ECHDC1: variants seen among roughly 807,000 people sequenced by gnomAD.
The protein encoded by ECHDC1 is ethylmalonyl-CoA decarboxylase.
ECHDC1 carries 29 observed loss-of-function variants against 29.7 expected under a neutral mutation model. The ratio of observed to expected loss-of-function variants is 0.98; its 90% CI spans 0.73 to 1.33. ECHDC1 has a LOEUF of 1.33. Ranked by LOEUF, ECHDC1 falls within the 40% of genes most tolerant of loss-of-function variation. The pLI is 0.00. For synonymous variants in ECHDC1, 126 were observed against 123.1 expected (o/e 1.02, Z -0.15); for missense variants, 328 against 350.0 (o/e 0.94, Z 0.50).
intron 3 of ECHDC1, among the ~76,000 whole-genome samples, chr6:127,326,023 C>T (rs1224267775): frequency 1.3e-5 from 2 of 151,980 alleles, no homozygotes; most frequent in Non-Finnish European, 2.9e-5. Context: ...ATTTTAGATT[C>T]CATATATAAA....
rs1783404971 is a variant in ECHDC1 at position 127,326,992 on chromosome 6, T to G, written c.363+10A>C. 2 of 1,611,246 alleles carry G rather than the reference T, an allele frequency of 1.2e-6. No homozygotes were observed. The highest frequency in any genetic ancestry group is 2.7e-5 in the African/African-American group (2 of 74,944). ...TGTAGAATCAAATGCATAATTCATA[T>G]AACACTTGCCTCTGGAGTTCCTAGT... On this transcript the variant is annotated intron_variant, in intron 3 of 5. Coordinates refer to ENST00000454859, the MANE Select transcript of ECHDC1 (RefSeq NM_001002030.2).
intron 5 of ECHDC1, among the ~76,000 whole-genome samples, chr6:127,291,356 G>GT (rs1242055803): frequency 6.8e-6 from 1 of 146,928 alleles, no homozygotes; most frequent in Non-Finnish European, 1.5e-5. Context: ...GTTGGCTTCA[G>GT]TTATCTTCAT....
chr6:127,329,023 T>A (rs1367426334), intron 2 of ECHDC1, among the ~76,000 whole-genome samples: 1 of 151,546 alleles, frequency 6.6e-6, no homozygotes, highest in Non-Finnish European at 1.5e-5. Flanking sequence ...TGAGACTCCA[T>A]CTCAAAAAAA....
At chr6:127,333,074 T>A (rs1252169187) in intron 1 of ECHDC1, among the ~76,000 whole-genome samples, 1 of 152,220 alleles carries the variant, frequency 6.6e-6, no homozygotes, top group East Asian at 1.9e-4. Flanking sequence ...ATTACAGGTG[T>A]GAGCCACCAC....
chr6:127,341,841 G>A (rs368633425), intron 1 of ECHDC1, among the ~76,000 whole-genome samples: 5 of 152,300 alleles, frequency 3.3e-5, no homozygotes, highest in African/African-American at 1.2e-4. Context: ...AAAACAATTA[G>A]CCTAGAGCAC....
chr6:127,314,916 C>A lies in ECHDC1; in HGVS notation c.417-20G>T, dbSNP rs1205250330. ...GGAAGTCTGTATATTGAAGAAAAAACTGATGTTACTATTTTTAATTTCAAT... is the reference window on the plus strand; with the variant it reads ...GGAAGTCTGTATATTGAAGAAAAAAATGATGTTACTATTTTTAATTTCAAT... On this transcript the variant is annotated intron_variant, in intron 4 of 5. Transcript: ENST00000454859. 2 of 1,593,378 alleles carry A rather than the reference C, an allele frequency of 1.3e-6. No homozygotes were observed. The highest frequency in any genetic ancestry group is 1.7e-6 in the Non-Finnish European group (2 of 1,163,936).
At chr6:127,320,615 T>C (rs1034393870) in intron 3 of ECHDC1, among the ~76,000 whole-genome samples, 4 of 152,236 alleles carry the variant, frequency 2.6e-5, no homozygotes, top group Admixed American at 2.6e-4. Context: ...CTTTGATTAC[T>C]TATTCCCTCT....
chr6:127,323,698 C>T (rs1359706542), intron 3 of ECHDC1, among the ~76,000 whole-genome samples: 2 of 152,140 alleles, frequency 1.3e-5, no homozygotes, highest in Admixed American at 6.5e-5. Flanking sequence ...TTCTTCCTCA[C>T]ATGTGCAAAT....
At chr6:127,307,687 A>G (rs1198593219) in intron 5 of ECHDC1, among the ~76,000 whole-genome samples, 1 of 148,198 alleles carries the variant, frequency 6.7e-6, no homozygotes, top group African/African-American at 2.4e-5. Flanking sequence ...AATACAAAAG[A>G]GCAATGAAAC....
At chr6:127,314,127 T>A (rs759096760) in intron 5 of ECHDC1, among the ~76,000 whole-genome samples, 8 of 152,208 alleles carry the variant, frequency 5.3e-5, no homozygotes, top group Non-Finnish European at 1.2e-4. Flanking sequence ...TATGTGAACC[T>A]GTACAGATAA....
intron 2 of ECHDC1, among the ~76,000 whole-genome samples, chr6:127,328,207 T>C (rs564674054): frequency 2.2e-4 from 33 of 152,362 alleles, no homozygotes; most frequent in Non-Finnish European, 3.8e-4. Context: ...GCAGCTATCC[T>C]TTCTTATGGC....
At chr6:127,290,770 T>C (rs1780099663) in intron 5 of ECHDC1, among the ~76,000 whole-genome samples, 1 of 152,060 alleles carries the variant, frequency 6.6e-6, no homozygotes, top group South Asian at 2.1e-4. Flanking sequence ...ACTACAGGAA[T>C]GACCAAAACA....
At chr6:127,339,009 ACTTTTT>A (rs1784678501) in intron 1 of ECHDC1, among the ~76,000 whole-genome samples, 1 of 152,110 alleles carries the variant, frequency 6.6e-6, no homozygotes, top group African/African-American at 2.4e-5. Context: ...TTCTCAGGAA[ACTTTTT>A]CTTTTTAAAT....
intron 2 of ECHDC1, among the ~76,000 whole-genome samples, chr6:127,330,503 C>CA (rs1278127839): frequency 1.3e-5 from 2 of 152,084 alleles, no homozygotes; most frequent in Non-Finnish European, 2.9e-5. Flanking sequence ...TAGCTGAAAA[C>CA]AAATGAAGTT....
chr6:127,307,240 A>C (rs1488290862), intron 5 of ECHDC1, among the ~76,000 whole-genome samples: 1 of 152,216 alleles, frequency 6.6e-6, no homozygotes, highest in African/African-American at 2.4e-5. Context: ...ATAACCTAAT[A>C]ATGCATCTTA....
intron 5 of ECHDC1, among the ~76,000 whole-genome samples, chr6:127,314,590 A>G (rs1226218801): frequency 2.0e-5 from 3 of 152,106 alleles, no homozygotes; most frequent in Non-Finnish European, 4.4e-5. Context: ...CAAAATCTCA[A>G]AACCATGTGT....
intron 3 of ECHDC1, among the ~76,000 whole-genome samples, chr6:127,320,865 C>T (rs566536513): frequency 4.0e-5 from 6 of 150,908 alleles, no homozygotes; most frequent in South Asian, 2.1e-4. Flanking sequence ...TACCAAGACG[C>T]GATCAACTTC....
At chr6:127,310,476 G>A (rs776683408) in intron 5 of ECHDC1, among the ~76,000 whole-genome samples, 3 of 152,108 alleles carry the variant, frequency 2.0e-5, no homozygotes, top group Non-Finnish European at 4.4e-5. Context: ...CTTCAATGGA[G>A]GAAGTAACTG....
chr6:127,334,810 A>C (rs1258884801), intron 1 of ECHDC1, among the ~76,000 whole-genome samples: 1 of 151,910 alleles, frequency 6.6e-6, no homozygotes, highest in East Asian at 1.9e-4. Context: ...AGTAAAGATA[A>C]TCACTCCCTT....
Sources: gnomAD v4.1 joint callset for allele counts (sites outside exome capture counted in the v4.1 genomes callset) on GRCh38, gnomAD v4.1.1 for gene constraint, MANE v1.5 for transcripts, NCBI Gene and HGNC (gene_info 2026-07-23, HGNC 2026-07-21) for gene names.